ZNF638: variants seen among roughly 807,000 people sequenced by gnomAD.
ZNF638 encodes the protein zinc finger protein 638.
Under a neutral mutation model 195.6 loss-of-function variants are expected in ZNF638, and 46 were observed. The observed-to-expected ratio is 0.24, with a 90% CI of 0.19 to 0.30. The LOEUF is 0.30. Ranked by LOEUF, ZNF638 falls within the 10% of genes least tolerant of loss-of-function variation. The pLI, the probability that ZNF638 is intolerant of heterozygous loss-of-function variation, is 1.00. For missense variants in ZNF638, 2,440 were observed against 2,325.3 expected, an observed-to-expected ratio of 1.05 and a Z score of -1.01; for synonymous variants, 845 against 772.0, an observed-to-expected ratio of 1.09 and a Z score of -1.57.
intron 8 of ZNF638, among the ~76,000 whole-genome samples, chr2:71,376,981 A>G (rs2079440562): frequency 6.6e-6 from 1 of 152,170 alleles, no homozygotes. Flanking sequence ...GTTTTCTTTA[A>G]AGTATCAGGA....
intron 6 of ZNF638, among the ~76,000 whole-genome samples, chr2:71,367,401 A>G (rs1195154505): frequency 1.4e-5 from 2 of 146,470 alleles, no homozygotes; most frequent in Non-Finnish European, 3.0e-5. Context: ...GACTACAGGT[A>G]TGCGCCAACA....
chr2:71,395,211 T>C, intron 10 of ZNF638: 1 of 717,170 alleles, frequency 1.4e-6, no homozygotes. Flanking sequence ...TTACTAATTA[T>C]ACTCATGTTT....
chr2:71,333,564 C>T (rs1162922098), intron 1 of ZNF638, among the ~76,000 whole-genome samples: 2 of 152,094 alleles, frequency 1.3e-5, no homozygotes, highest in Admixed American at 6.5e-5. Context: ...ACTTGACTAT[C>T]TTAGGGTTTT....
intron 4 of ZNF638, among the ~76,000 whole-genome samples, chr2:71,363,469 A>G (rs1573051417): frequency 6.6e-6 from 1 of 152,214 alleles, no homozygotes; most frequent in East Asian, 1.9e-4. Context: ...GCTAGGAGTG[A>G]TATTATTAAG....
rs1441721000 is a variant in ZNF638, at chr2:71,423,500, A to G, written c.3986A>G (p.Glu1329Gly). The change falls in exon 22 of 28, where the codon GAG becomes GGG. Residue 1329 changes from glutamate (E) to glycine (G), a missense_variant. By Grantham distance (98) the Glu-to-Gly change is moderately conservative. Around this residue, in one of 5 missense-constraint regions of ZNF638, gnomAD observed 1,883 missense variants for 1,739.1 expected, o/e 1.08. Transcript: ENST00000264447. ...ETRMDLQIGT[E>G]KAEKNEGRMD... ...AGAATGGATCTTCAAATAGGAACAGAGAAGGCTGAAAAGAATGAAGGTAGG... is the reference window on the plus strand; with the variant it reads ...AGAATGGATCTTCAAATAGGAACAGGGAAGGCTGAAAAGAATGAAGGTAGG... The G allele has an allele frequency of 1.2e-6, 2 of 1,614,050 alleles. No individual in the cohort carries two copies. Among genetic ancestry groups the G allele is most frequent in the Non-Finnish European group, 1.7e-6 (2 of 1,180,010 alleles).
rs1184636823 is a variant in ZNF638, at chr2:71,365,650, G to A, written c.1939G>A (p.Asp647Asn). 1.9e-6 allele frequency: 3 copies of A among 1,614,072 alleles called. No homozygotes were observed. Among genetic ancestry groups the A allele is most frequent in the Non-Finnish European group, 1.7e-6 (2 of 1,179,954 alleles). The change falls in exon 6 of 28, where the codon GAC becomes AAC. Residue 647 changes from aspartate to asparagine, a missense_variant. Around this residue, in one of 5 missense-constraint regions of ZNF638, gnomAD observed 1,883 missense variants for 1,739.1 expected, o/e 1.08. Transcript: ENST00000264447. ...IRCKSKNLED[D>N]TLSECKQVSD... The stretch of plus-strand genomic sequence containing the variant: ...TTGTAAATCAAAGAATCTTGAAGAT[G>A]ACACTTTGTCAGAATGTAAACAGGT...
At chr2:71,427,546 G>A (rs912827547) in intron 24 of ZNF638, 132 bp downstream of exon 24, 1 of 598,428 alleles carries the variant, frequency 1.7e-6, no homozygotes, top group African/African-American at 1.9e-5. Flanking sequence ...GACAGTTAAA[G>A]TCAACAATAA....
At chr2:71,407,120 A>G (rs1014739946) in intron 19 of ZNF638, 3 of 152,206 alleles carry the variant, frequency 2.0e-5, no homozygotes, top group African/African-American at 4.8e-5. Context: ...GTTCATTAAA[A>G]TTAAATTTTT....
chr2:71,406,359 T>A, intron 19 of ZNF638, 97 bp downstream of exon 19: 1 of 1,067,858 alleles, frequency 9.4e-7, no homozygotes, highest in Non-Finnish European at 1.4e-6. Context: ...GAAGCACCTG[T>A]AAATATTACT....
At chr2:71,374,502 A>ACTCCTG (rs2079382349) in intron 8 of ZNF638, among the ~76,000 whole-genome samples, 4 of 152,288 alleles carry the variant, frequency 2.6e-5, no homozygotes, top group African/African-American at 9.6e-5. Flanking sequence ...TTAATCTTGA[A>ACTCCTG]CATTTACTCC....
chr2:71,352,511 GAA>G (rs1190995759), intron 2 of ZNF638, among the ~76,000 whole-genome samples: 1 of 136,890 alleles, frequency 7.3e-6, no homozygotes, highest in African/African-American at 2.7e-5. Context: ...AAAAAAAAAA[GAA>G]GAGGAGGGTT....
intron 27 of ZNF638, 141 bp from the exon 28 acceptor site, chr2:71,434,601 G>T (rs1401830549): frequency 1.6e-5 from 11 of 668,724 alleles, no homozygotes; most frequent in Non-Finnish European, 2.2e-5. Context: ...ATGAAAGGAA[G>T]AAATGGTTAT....
At chr2:71,343,777 C>T (rs1427105880) in intron 1 of ZNF638, among the ~76,000 whole-genome samples, 2 of 152,100 alleles carry the variant, frequency 1.3e-5, no homozygotes, top group African/African-American at 2.4e-5. Context: ...CTTTCTGCTC[C>T]CCTCTCCCCA....
At chr2:71,433,970 A>C (rs985824899) in intron 27 of ZNF638, among the ~76,000 whole-genome samples, 2 of 152,226 alleles carry the variant, frequency 1.3e-5, no homozygotes, top group Non-Finnish European at 2.9e-5. Flanking sequence ...TAGCAGACCT[A>C]GGATTTGAAC....
chr2:71,366,405 G>A (rs6753560), intron 6 of ZNF638, among the ~76,000 whole-genome samples: 113,350 of 151,926 alleles, frequency 0.75, 42,833 homozygotes, highest in African/African-American at 0.77. Flanking sequence ...TTTATTCCGT[G>A]TTTCCAATAA....
intron 6 of ZNF638, among the ~76,000 whole-genome samples, chr2:71,367,356 T>C (rs1467538999): frequency 6.6e-6 from 1 of 150,688 alleles, no homozygotes; most frequent in African/African-American, 2.4e-5. Context: ...GTTCCTGAGC[T>C]CAAGTATCCT....
At chr2:71,390,642 A>AT (rs750236465) in intron 10 of ZNF638, among the ~76,000 whole-genome samples, 9 of 152,158 alleles carry the variant, frequency 5.9e-5, no homozygotes, top group East Asian at 3.9e-4. Context: ...GTAGGAGTGT[A>AT]TTGGAACCAG....
chr2:71,393,654 C>T (rs757855711), intron 10 of ZNF638: 2 of 717,522 alleles, frequency 2.8e-6, no homozygotes, highest in South Asian at 1.5e-5. Context: ...GTGTAAGTTA[C>T]AACTCACGTA....
chr2:71,363,728 A>G (rs984186322), intron 4 of ZNF638, among the ~76,000 whole-genome samples: 1 of 152,268 alleles, frequency 6.6e-6, no homozygotes, highest in Non-Finnish European at 1.5e-5. Flanking sequence ...ACTAGAAAAC[A>G]GACATCCAAG....
Sources: gnomAD v4.1 joint callset for allele counts (sites outside exome capture counted in the v4.1 genomes callset) on GRCh38, gnomAD v4.1.1 for gene constraint, gnomAD v4.1.1 regional missense constraint, MANE v1.5 for transcripts, NCBI Gene and HGNC (gene_info 2026-07-23, HGNC 2026-07-21) for gene names.